Variants in EEF1E1 observed in about 807,000 individuals in gnomAD.
The protein encoded by EEF1E1 is eukaryotic translation elongation factor 1 epsilon 1.
A neutral mutation model predicts 19.9 loss-of-function variants in EEF1E1; 19 were observed. That is an observed-to-expected ratio of 0.95 (90% CI 0.66 to 1.40). The LOEUF (loss-of-function observed/expected upper bound fraction) is 1.40. Ranked by LOEUF, EEF1E1 falls within the 40% of genes most tolerant of loss-of-function variation. The probability of loss-of-function intolerance (pLI) is 0.00; values close to 1 mark genes in which losing one functional copy is unlikely to be tolerated. For synonymous variants in EEF1E1, 81 were observed against 80.0 expected (o/e 1.01, Z -0.07); for missense variants, 198 against 202.2 (o/e 0.98, Z 0.13).
At position 8,079,675 on chromosome 6, in the gene EEF1E1, A is replaced by G; in HGVS notation, c.*215T>C. ...AAGGTTAATTTATAACTGGATCTCA[A>G]CTTGTTTAATAGCAATTGAATTTTG... is the stretch of plus-strand genomic sequence containing the variant. On this transcript the variant is annotated 3_prime_UTR_variant, in exon 4 of 4. Transcript: ENST00000379715. 1 of 1,239,390 alleles carries G rather than the reference A, an allele frequency of 8.1e-7. No individual in the cohort carries two copies. Among genetic ancestry groups the G allele is most frequent in the Non-Finnish European group, 1.0e-6 (1 of 987,368 alleles). The allele number at this position is 1,239,390 out of a possible 1,614,324, so 76.8% of individuals were successfully genotyped here. A position where few individuals can be genotyped will look rare whatever the true frequency, so the allele number is the denominator to read the frequency against.
intron 1 of EEF1E1, among the ~76,000 whole-genome samples, chr6:8,099,795 A>AC (rs58597789): frequency 7.5e-6 from 1 of 132,642 alleles, no homozygotes; most frequent in African/African-American, 2.9e-5. Flanking sequence ...CACACACAAA[A>AC]AAAAAACAGA....
chr6:8,079,743 T>C lies in EEF1E1; in HGVS notation c.*147A>G, dbSNP rs1561880620. The C allele has an allele frequency of 3.9e-6, 5 of 1,295,804 alleles. No homozygotes were observed. Among genetic ancestry groups the C allele is most frequent in the Non-Finnish European group, 4.9e-6 (5 of 1,018,918 alleles). 80.3% of individuals were successfully genotyped at this position (1,295,804 alleles called of 1,614,324 possible). ...CTTCAGCTAAAGAACAAATAAAACATTCAGACACAAGTTTACACTTCAAAA... is the reference window on the plus strand; with the variant it reads ...CTTCAGCTAAAGAACAAATAAAACACTCAGACACAAGTTTACACTTCAAAA... On this transcript the variant is annotated 3_prime_UTR_variant, in exon 4 of 4. Coordinates refer to ENST00000379715, the MANE Select transcript of EEF1E1 (RefSeq NM_004280.5).
chr6:8,101,639 A>T, intron 1 of EEF1E1: 1 of 769,262 alleles, frequency 1.3e-6, no homozygotes, highest in Non-Finnish European at 1.7e-6. Context: ...ATCTCAAAGG[A>T]GCAAAAAAAA....
At chr6:8,081,765 A>G (rs997181271) in intron 3 of EEF1E1, among the ~76,000 whole-genome samples, 2 of 152,236 alleles carry the variant, frequency 1.3e-5, no homozygotes, top group Admixed American at 6.5e-5. Context: ...TTCAAAATCA[A>G]CTTCGACAAA....
chr6:8,086,441 CTT>C (rs1296946230), intron 3 of EEF1E1, among the ~76,000 whole-genome samples: 1 of 151,308 alleles, frequency 6.6e-6, no homozygotes, highest in Non-Finnish European at 1.5e-5. Context: ...GAGAAAACGA[CTT>C]TGTTTTTCCA....
At chr6:8,081,579 A>G (rs1757724496) in intron 3 of EEF1E1, among the ~76,000 whole-genome samples, 1 of 152,214 alleles carries the variant, frequency 6.6e-6, no homozygotes, top group South Asian at 2.1e-4. Context: ...TTTGAAAAAT[A>G]TTTTGTAAAA....
intron 2 of EEF1E1, among the ~76,000 whole-genome samples, chr6:8,095,917 T>A (rs1257983169): frequency 6.6e-6 from 1 of 152,184 alleles, no homozygotes; most frequent in Non-Finnish European, 1.5e-5. Flanking sequence ...AGAAACTGTG[T>A]CTAATGCACC....
At chr6:8,090,152 C>T (rs753180952) in intron 3 of EEF1E1, 34 bp downstream of exon 3, 1 of 1,473,164 alleles carries the variant, frequency 6.8e-7, no homozygotes, top group Non-Finnish European at 9.1e-7. Flanking sequence ...CTCAACACTA[C>T]AGAAAAAAAG....
At chr6:8,099,754 ACACACACACACAC>A (rs1581477362) in intron 1 of EEF1E1, among the ~76,000 whole-genome samples, 8 of 93,928 alleles carry the variant, frequency 8.5e-5, no homozygotes, top group African/African-American at 1.0e-4. Flanking sequence ...CCTCAAAAAC[ACACACACACACAC>A]ACACACACAC....
intron 3 of EEF1E1, among the ~76,000 whole-genome samples, chr6:8,073,722 T>C (rs1757532092): frequency 6.6e-6 from 1 of 152,224 alleles, no homozygotes; most frequent in Non-Finnish European, 1.5e-5. Flanking sequence ...CAGTGAAATG[T>C]GGTCAGTGGA....
intron 3 of EEF1E1, among the ~76,000 whole-genome samples, chr6:8,087,497 C>T (rs1384774324): frequency 1.3e-5 from 2 of 151,342 alleles, no homozygotes; most frequent in Middle Eastern, 3.4e-3. Flanking sequence ...GGATTACAGG[C>T]GTGAGCCACC....
intron 1 of EEF1E1, chr6:8,102,203 G>A: frequency 1.4e-6 from 1 of 713,052 alleles, no homozygotes; most frequent in Non-Finnish European, 1.7e-6. Flanking sequence ...TTTCCCAGGA[G>A]GTGAAGTTCA....
intron 1 of EEF1E1, chr6:8,101,804 T>TA: frequency 7.8e-7 from 1 of 1,289,380 alleles, no homozygotes; most frequent in Non-Finnish European, 1.0e-6. Context: ...TCGTAACACT[T>TA]AAACTGATAA....
chr6:8,101,908 C>T, intron 1 of EEF1E1: 1 of 1,244,120 alleles, frequency 8.0e-7, no homozygotes, highest in Non-Finnish European at 1.1e-6. Flanking sequence ...ACGTGGCACT[C>T]TTCCAATTTA....
At chr6:8,097,599 A>G in intron 1 of EEF1E1, 132 bp from the exon 2 acceptor site, 1 of 674,984 alleles carries the variant, frequency 1.5e-6, no homozygotes, top group Non-Finnish European at 2.5e-6. Flanking sequence ...ATACTAAATT[A>G]CATACAAATG....
chr6:8,099,401 G>A (rs906793331), intron 1 of EEF1E1, among the ~76,000 whole-genome samples: 1 of 152,158 alleles, frequency 6.6e-6, no homozygotes, highest in Non-Finnish European at 1.5e-5. Flanking sequence ...AGGAGCAATA[G>A]GCTATATCAT....
chr6:8,080,384 T>A (rs958514026), intron 3 of EEF1E1, among the ~76,000 whole-genome samples: 1 of 152,222 alleles, frequency 6.6e-6, no homozygotes, highest in African/African-American at 2.4e-5. Flanking sequence ...TCTCTGGTAT[T>A]CTTTAGTAAA....
Position 8,079,567 on chromosome 6 carries a change from T to C in EEF1E1, c.*323A>G. 2.9e-6 allele frequency: 3 copies of C among 1,029,456 alleles called. No individual in the cohort carries two copies. The highest frequency in any genetic ancestry group is 3.5e-6 in the Non-Finnish European group (3 of 856,300). The allele number at this position is 1,029,456 out of a possible 1,614,324, so 63.8% of individuals were successfully genotyped here. A position where few individuals can be genotyped will look rare whatever the true frequency, so the allele number is the denominator to read the frequency against. Reference sequence around the variant, plus strand: ...AGAGAGGTTAATAAATAGCCAAATATGTCAACCATTGAAATGACCACCAAT... The same window carrying C: ...AGAGAGGTTAATAAATAGCCAAATACGTCAACCATTGAAATGACCACCAAT... On this transcript the variant is annotated 3_prime_UTR_variant, in exon 4 of 4. Coordinates refer to ENST00000379715, the MANE Select transcript of EEF1E1 (RefSeq NM_004280.5).
chr6:8,092,260 A>G (rs1758031843), intron 2 of EEF1E1, among the ~76,000 whole-genome samples: 1 of 152,228 alleles, frequency 6.6e-6, no homozygotes, highest in Admixed American at 6.5e-5. Flanking sequence ...TATCTGGAAT[A>G]TAGTGGTTCA....
Sources: allele counts gnomAD v4.1 joint callset (sites outside exome capture counted in the v4.1 genomes callset), GRCh38; gene constraint gnomAD v4.1.1; transcripts MANE v1.5; gene names NCBI Gene and HGNC (gene_info 2026-07-23, HGNC 2026-07-21).